The following SLC36A1 variants were observed in gnomAD, a reference collection of about 807,000 sequenced individuals.
SLC36A1 encodes the protein solute carrier family 36 member 1.
A neutral mutation model predicts 47.5 loss-of-function variants in SLC36A1; 30 were observed. The observed-to-expected ratio is 0.63, with a 90% CI of 0.47 to 0.86. The LOEUF (loss-of-function observed/expected upper bound fraction) is 0.86, where lower values mean the gene tolerates loss of function less well. Ranked by LOEUF, SLC36A1 falls within the 40% of genes least tolerant of loss-of-function variation. The pLI is 0.00. For synonymous variants in SLC36A1, 255 were observed against 249.7 expected, an observed-to-expected ratio of 1.02 and a Z score of -0.20; for missense variants, 517 against 606.0, an observed-to-expected ratio of 0.85 and a Z score of 1.54.
At chr5:151,397,626 T>C in the SLC36A1 span, among the ~76,000 whole-genome samples, 1 of 151,850 alleles carries the variant, frequency 6.6e-6, no homozygotes, top group East Asian at 1.9e-4. Context: ...TAGCCAACCA[T>C]GGTGGTGCAT....
chr5:151,451,743 C>T (rs998982238), intron 1 of SLC36A1, among the ~76,000 whole-genome samples: 1 of 152,268 alleles, frequency 6.6e-6, no homozygotes. Context: ...GATGAATTAA[C>T]TTGCTCAGAG....
the SLC36A1 span, among the ~76,000 whole-genome samples, chr5:151,422,720 T>G: frequency 5.3e-5 from 8 of 151,786 alleles, no homozygotes; most frequent in Non-Finnish European, 1.5e-5. Flanking sequence ...AGAAAGAGAC[T>G]CCATCTAAAA....
the SLC36A1 span, among the ~76,000 whole-genome samples, chr5:151,541,179 C>A: frequency 6.6e-6 from 1 of 152,106 alleles, no homozygotes; most frequent in Non-Finnish European, 1.5e-5. Flanking sequence ...AACTAAGGAC[C>A]CACCCTAAGT....
chr5:151,401,381 T>A, the SLC36A1 span, among the ~76,000 whole-genome samples: 5 of 152,234 alleles, frequency 3.3e-5, no homozygotes, highest in Non-Finnish European at 7.3e-5. Flanking sequence ...TCCATGGGTC[T>A]ATGAGTCTGT....
the SLC36A1 span, among the ~76,000 whole-genome samples, chr5:151,396,524 T>C: frequency 0.033 from 4,971 of 152,274 alleles, 244 homozygotes; most frequent in African/African-American, 0.11. Context: ...TTCTGTTCTT[T>C]AGGGCCATTG....
chr5:151,512,564 C>T, the SLC36A1 span: 1 of 1,613,802 alleles, frequency 6.2e-7, no homozygotes, highest in Middle Eastern at 1.6e-4. This position sits in a 1 kb window ranked among gnomAD's most constrained non-coding sequence, Gnocchi z 4.1. Flanking sequence ...CCATAGAAAC[C>T]ACCCAGACAG....
chr5:151,544,350 T>C, the SLC36A1 span: 1 of 1,614,206 alleles, frequency 6.2e-7, no homozygotes, highest in Admixed American at 1.7e-5. Context: ...CCACTAGGAC[T>C]TCCACTGTGG....
At chr5:151,379,998 CA>C in the SLC36A1 span, among the ~76,000 whole-genome samples, 2 of 150,924 alleles carry the variant, frequency 1.3e-5, no homozygotes, top group East Asian at 3.9e-4. Flanking sequence ...TAACTCAAAG[CA>C]AGGTGAAGGG....
upstream of SLC36A1, among the ~76,000 whole-genome samples, chr5:151,435,089 C>T (rs1286280198): frequency 6.6e-6 from 1 of 152,094 alleles, no homozygotes; most frequent in Non-Finnish European, 1.5e-5. Context: ...GAATTCCAAG[C>T]AGGATAAATA....
At chr5:151,438,470 A>C (rs1453984677) in intron 1 of SLC36A1, among the ~76,000 whole-genome samples, 1 of 151,946 alleles carries the variant, frequency 6.6e-6, no homozygotes, top group East Asian at 1.9e-4. Flanking sequence ...CCTATAACTC[A>C]TTCATGGTAC....
the SLC36A1 span, among the ~76,000 whole-genome samples, chr5:151,407,634 T>A: frequency 6.6e-6 from 1 of 152,206 alleles, no homozygotes; most frequent in African/African-American, 2.4e-5. Context: ...CCAGCCGGCT[T>A]CACCTCTCAT....
chr5:151,512,727 G>C, the SLC36A1 span: 1 of 895,544 alleles, frequency 1.1e-6, no homozygotes, highest in Non-Finnish European at 1.7e-6. The surrounding 1 kb of genome is among the most constrained non-coding windows in gnomAD (Gnocchi z 4.1). Flanking sequence ...GTGTTTGGCT[G>C]TTTTAGACAT....
the SLC36A1 span, among the ~76,000 whole-genome samples, chr5:151,374,543 C>T: frequency 6.6e-6 from 1 of 152,150 alleles, no homozygotes; most frequent in African/African-American, 2.4e-5. Flanking sequence ...CATGCTAGTG[C>T]AGGTATATTT....
chr5:151,392,963 C>A, the SLC36A1 span, among the ~76,000 whole-genome samples: 476 of 152,134 alleles, frequency 3.1e-3, 6 homozygotes, highest in Non-Finnish European at 4.6e-3. Flanking sequence ...TCCTTGTTAA[C>A]TTTCTGTCTC....
chr5:151,478,056 C>G (rs1326929638), intron 9 of SLC36A1, among the ~76,000 whole-genome samples: 1 of 152,142 alleles, frequency 6.6e-6, no homozygotes, highest in Non-Finnish European at 1.5e-5. Flanking sequence ...TGATTTTTCC[C>G]AAGAGTTTTT....
At chr5:151,512,851 G>A in the SLC36A1 span, 1 of 535,054 alleles carries the variant, frequency 1.9e-6, no homozygotes, top group Non-Finnish European at 3.3e-6. The surrounding 1 kb of genome is among the most constrained non-coding windows in gnomAD (Gnocchi z 4.1). Context: ...ATTCACAGAT[G>A]AGGAAACTGA....
chr5:151,467,308 A>AG lies in SLC36A1; in HGVS notation c.504+25_504+26insG. ...GGTAGGCACCTGGTTAAAAAAGAAA[A>AG]AAAAAAAAAAAACCAGAGCGAGAAT... On this transcript the variant is annotated intron_variant, in intron 6 of 10. Coordinates refer to ENST00000243389, the MANE Select transcript of SLC36A1 (RefSeq NM_078483.4). The AG allele has an allele frequency of 3.6e-6, 5 of 1,398,478 alleles. No homozygotes were observed. The South Asian group carries it at 5.0e-5, about 14-fold the overall frequency. The allele number at this position is 1,398,478 out of a possible 1,614,324, so 86.6% of individuals were successfully genotyped here.
chr5:151,537,844 A>G, the SLC36A1 span: 2 of 1,614,064 alleles, frequency 1.2e-6, no homozygotes, highest in South Asian at 1.1e-5. Flanking sequence ...TGCAGAGAAT[A>G]TGTGATCTGA....
the SLC36A1 span, among the ~76,000 whole-genome samples, chr5:151,423,672 G>A: frequency 6.6e-6 from 1 of 152,180 alleles, no homozygotes; most frequent in African/African-American, 2.4e-5. Flanking sequence ...AGGATTTTTA[G>A]GGCAGTGAAA....
Sources: gnomAD v4.1 joint callset for allele counts (sites outside exome capture counted in the v4.1 genomes callset) on GRCh38, gnomAD v4.1.1 for gene constraint, Gnocchi (gnomAD v3.1) non-coding constraint, MANE v1.5 for transcripts, NCBI Gene and HGNC (gene_info 2026-07-23, HGNC 2026-07-21) for gene names.